The following PIK3C2A variants were observed in gnomAD, a reference collection of about 807,000 sequenced individuals.
PIK3C2A encodes the protein phosphatidylinositol-4-phosphate 3-kinase catalytic subunit type 2 alpha.
PIK3C2A carries 97 observed loss-of-function variants against 204.5 expected under a neutral mutation model. The observed-to-expected ratio is 0.47, with a 90% CI of 0.40 to 0.56. The LOEUF is 0.56. Among genes scored for constraint, PIK3C2A ranks in the 20% least tolerant of loss-of-function variants. The pLI is 0.00. For synonymous variants in PIK3C2A, 653 were observed against 664.4 expected (o/e 0.98, Z 0.26); for missense variants, 1,735 against 1,969.2 (o/e 0.88, Z 2.25).
intron 1 of PIK3C2A, among the ~76,000 whole-genome samples, chr11:17,201,531 AAAAAAAAAAAAAG>A (rs1852382272): frequency 1.0e-5 from 1 of 96,176 alleles, no homozygotes; most frequent in Non-Finnish European, 2.0e-5. Flanking sequence ...GTCTCAAAAA[AAAAAAAAAAAAAG>A]AAAAAAGAAA....
At position 17,169,335 on chromosome 11, in the gene PIK3C2A, G is replaced by C; in HGVS notation, c.407C>G (p.Thr136Ser). Residue 136 changes from threonine (T) to serine (S), a missense_variant, in exon 2 of 33, where the codon ACT (threonine) becomes AGT (serine). By Grantham distance (58) the Thr-to-Ser change is moderately conservative (BLOSUM62 1). Transcript: ENST00000691414. ...AGGTGGCCACTGTCCTCTCTGAATAGTAGGTCTAAAATAGAGCTGTGCTGA... is the reference window on the plus strand; with the variant it reads ...AGGTGGCCACTGTCCTCTCTGAATACTAGGTCTAAAATAGAGCTGTGCTGA... The part of the protein sequence containing the change: ...SFSAQLYFRP[T>S]IQRGQWPPGL... 1 of 1,614,102 alleles carries C rather than the reference G, an allele frequency of 6.2e-7. No homozygotes were observed. The highest frequency in any genetic ancestry group is 8.5e-7 in the Non-Finnish European group (1 of 1,179,992).
rs1851082505 is a variant in PIK3C2A, at chr11:17,169,368, G to T, written c.374C>A (p.Pro125His). 1 of 1,613,932 alleles carries T rather than the reference G, an allele frequency of 6.2e-7. No individual in the cohort carries two copies. Among genetic ancestry groups the T allele is most frequent in the African/African-American group, 1.3e-5 (1 of 75,026 alleles). Residue 125 changes from proline to histidine, a missense_variant, in exon 2 of 33, where the codon CCT (proline) becomes CAT (histidine). By Grantham distance (77) the Pro-to-His change is moderately conservative. Transcript: ENST00000691414. Reference sequence around the variant, plus strand: ...AAAATAGAGCTGTGCTGAAAAGGAAGGGCTCAGAATAGGAGTAACTGGTAA... The same window carrying T: ...AAAATAGAGCTGTGCTGAAAAGGAATGGCTCAGAATAGGAGTAACTGGTAA... Reference protein sequence around the residue: ...PVLPVTPILSPSFSAQLYFRP... With the variant: ...PVLPVTPILSHSFSAQLYFRP...
At chr11:17,140,563 T>C (rs1367961003) in intron 8 of PIK3C2A, among the ~76,000 whole-genome samples, 1 of 152,134 alleles carries the variant, frequency 6.6e-6, no homozygotes, top group Non-Finnish European at 1.5e-5. Flanking sequence ...AAAAACTACA[T>C]AGTACATGAT....
chr11:17,101,724 C>T (rs1054623215), intron 24 of PIK3C2A, among the ~76,000 whole-genome samples: 22 of 151,722 alleles, frequency 1.5e-4, no homozygotes, highest in African/African-American at 2.7e-4. Flanking sequence ...CTGCCTCAGC[C>T]TCCCGAGTAG....
chr11:17,202,898 T>C (rs1441087017), intron 1 of PIK3C2A, among the ~76,000 whole-genome samples: 2 of 152,204 alleles, frequency 1.3e-5, no homozygotes, highest in Non-Finnish European at 2.9e-5. Context: ...ATATCAATAA[T>C]GTAACTGTTA....
At chr11:17,143,503 C>T (rs552937665) in intron 8 of PIK3C2A, among the ~76,000 whole-genome samples, 70 of 152,154 alleles carry the variant, frequency 4.6e-4, no homozygotes, top group African/African-American at 1.7e-3. Flanking sequence ...CAGGAGTCGG[C>T]CAACTTTTTC....
intron 27 of PIK3C2A, among the ~76,000 whole-genome samples, chr11:17,096,272 C>T (rs1848452742): frequency 6.6e-6 from 1 of 152,090 alleles, no homozygotes; most frequent in Non-Finnish European, 1.5e-5. Flanking sequence ...CTCCTGACCT[C>T]AGGTGATCAC....
chr11:17,139,552 A>T (rs1849987630), intron 8 of PIK3C2A, among the ~76,000 whole-genome samples: 1 of 152,296 alleles, frequency 6.6e-6, no homozygotes, highest in East Asian at 1.9e-4. Flanking sequence ...TAACTAGTAC[A>T]ATTTCCGTCT....
At chr11:17,142,187 T>C (rs1163335021) in intron 8 of PIK3C2A, among the ~76,000 whole-genome samples, 1 of 152,202 alleles carries the variant, frequency 6.6e-6, no homozygotes, top group African/African-American at 2.4e-5. Context: ...TGTCAATTAA[T>C]TAGATATTCA....
At chr11:17,198,846 C>T (rs1178959662) in intron 1 of PIK3C2A, among the ~76,000 whole-genome samples, 1 of 151,872 alleles carries the variant, frequency 6.6e-6, no homozygotes, top group Admixed American at 6.6e-5. Context: ...AGTCTGGGCG[C>T]AGTGGCTTAC....
intron 23 of PIK3C2A, among the ~76,000 whole-genome samples, 199 bp from the exon 24 acceptor site, chr11:17,103,030 C>T (rs1244488942): frequency 6.6e-6 from 1 of 152,004 alleles, no homozygotes; most frequent in East Asian, 2.0e-4. Context: ...AGGGTGGTTA[C>T]TGCCCCTTCT....
intron 1 of PIK3C2A, among the ~76,000 whole-genome samples, chr11:17,190,262 CA>C (rs565119417): frequency 2.0e-3 from 304 of 148,868 alleles, no homozygotes; most frequent in Middle Eastern, 0.011. Context: ...GACTCCATCT[CA>C]AAAAAAATAG....
intron 3 of PIK3C2A, 40 bp from the exon 4 acceptor site, chr11:17,150,695 A>C: frequency 6.7e-7 from 1 of 1,490,282 alleles, no homozygotes; most frequent in South Asian, 1.3e-5. Flanking sequence ...TTTTTTAAAA[A>C]AACTTCATTT....
rs534569758 is a variant in PIK3C2A, at chr11:17,100,276, C to T, written c.4009-307G>A. 7.6e-5 allele frequency among the ~76,000 whole-genome samples: 10 copies of T among 132,310 alleles called. No individual in the cohort carries two copies. In the South Asian group the frequency reaches 1.7e-3, roughly 23 times the overall value. The allele number at this position is 132,310 out of a possible 152,430, so 86.8% of individuals were successfully genotyped here. On this transcript the variant is annotated intron_variant, in intron 25 of 32. Coordinates refer to ENST00000691414, the MANE Select transcript of PIK3C2A (RefSeq NM_002645.4). ...GGGGGGGGGGGCAGGGAGCCGGGTG[C>T]GATCTTGGCTCACTGCATCCTCTGC...
At chr11:17,170,934 T>C (rs964724796) in intron 1 of PIK3C2A, among the ~76,000 whole-genome samples, 2 of 152,036 alleles carry the variant, frequency 1.3e-5, no homozygotes, top group African/African-American at 4.8e-5. Context: ...AAACCCCGTC[T>C]CTACTAAATA....
chr11:17,192,207 T>C (rs1851970582), intron 1 of PIK3C2A, among the ~76,000 whole-genome samples: 1 of 152,120 alleles, frequency 6.6e-6, no homozygotes, highest in South Asian at 2.1e-4. Context: ...TTATTATTTG[T>C]TTAAACATGT....
intron 1 of PIK3C2A, among the ~76,000 whole-genome samples, chr11:17,177,930 T>G (rs765115459): frequency 6.6e-6 from 1 of 151,700 alleles, no homozygotes; most frequent in South Asian, 2.1e-4. Context: ...TTGTCTCTAC[T>G]GAAAATACAA....
intron 27 of PIK3C2A, 53 bp downstream of exon 27, chr11:17,097,004 A>T (rs1214408978): frequency 9.5e-7 from 1 of 1,057,382 alleles, no homozygotes; most frequent in Non-Finnish European, 1.5e-6. Context: ...GGAAGTAGAA[A>T]GGACAACAAT....
At chr11:17,186,037 C>T (rs1199715582) in intron 1 of PIK3C2A, among the ~76,000 whole-genome samples, 2 of 152,146 alleles carry the variant, frequency 1.3e-5, no homozygotes, top group Admixed American at 1.3e-4. Context: ...CCATTATCTC[C>T]CTCCTGTAAC....
Sources: allele counts gnomAD v4.1 joint callset (sites outside exome capture counted in the v4.1 genomes callset), GRCh38; gene constraint gnomAD v4.1.1; transcripts MANE v1.5; gene names NCBI Gene and HGNC (gene_info 2026-07-23, HGNC 2026-07-21).